JAKMIP3: variants seen among roughly 807,000 people sequenced by gnomAD.
JAKMIP3 encodes the protein janus kinase and microtubule-interacting protein 3.
In JAKMIP3, 58 loss-of-function variants were observed where a neutral mutation model predicts 118.5. That is an observed-to-expected ratio of 0.49 (90% CI 0.40 to 0.61). The LOEUF is 0.61. Among genes scored for constraint, JAKMIP3 ranks in the 20% least tolerant of loss-of-function variants. The pLI, the probability that JAKMIP3 is intolerant of heterozygous loss-of-function variation, is 0.00. For missense variants in JAKMIP3, 950 were observed against 1,109.0 expected (o/e 0.86, Z 2.04); for synonymous variants, 486 against 451.2 (o/e 1.08, Z -0.98).
At chr10:132,069,021 G>A (rs936077421) in intron 1 of JAKMIP3, among the ~76,000 whole-genome samples, 1 of 152,160 alleles carries the variant, frequency 6.6e-6, no homozygotes, top group Admixed American at 6.5e-5. Flanking sequence ...CTCGGCCTGC[G>A]GCTGAGTTCG....
At position 132,163,269 on chromosome 10, in the gene JAKMIP3, G is replaced by A; in HGVS notation, c.2281G>A (p.Val761Met). Residue 761 changes from valine to methionine, a missense_variant, in exon 20 of 24, where the codon GTG (valine) becomes ATG (methionine). Coordinates refer to ENST00000684848, the MANE Select transcript of JAKMIP3 (RefSeq NM_001323087.2). ...CCTGCAGCAGGAGGCCGGGGCTAAG[G>A]TGGCTGAGCTGCTGTCAGAGGAGGA... ...DALQQEAGAK[V>M]AELLSEEERE... is the part of the protein sequence containing the mutation. 6.3e-7 allele frequency: 1 copy of A among 1,592,322 alleles called. No individual in the cohort carries two copies. The highest frequency in any genetic ancestry group is 1.3e-5 in the African/African-American group (1 of 74,750).
intron 1 of JAKMIP3, among the ~76,000 whole-genome samples, chr10:132,042,995 G>C (rs145123504): frequency 1.6e-4 from 25 of 151,884 alleles, no homozygotes; most frequent in African/African-American, 6.0e-4. Flanking sequence ...TCGGGAGATT[G>C]AGGTGGGAGG....
intron 1 of JAKMIP3, among the ~76,000 whole-genome samples, chr10:132,077,590 A>G (rs1471315846): frequency 6.6e-6 from 1 of 152,052 alleles, no homozygotes; most frequent in Non-Finnish European, 1.5e-5. Flanking sequence ...AGGTGGCTTT[A>G]TTTGTTTCCA....
At chr10:132,132,843 T>C (rs1248217719) in intron 3 of JAKMIP3, among the ~76,000 whole-genome samples, 1 of 151,578 alleles carries the variant, frequency 6.6e-6, no homozygotes, top group Non-Finnish European at 1.5e-5. Flanking sequence ...AGAATTTCTG[T>C]TCCCCATGGT....
chr10:132,180,843 A>G (rs1346891938), intron 23 of JAKMIP3, among the ~76,000 whole-genome samples: 2 of 148,952 alleles, frequency 1.3e-5, no homozygotes, highest in South Asian at 4.3e-4. Flanking sequence ...TATCGTGTGC[A>G]TGTGTGTGCT....
At position 132,098,329 on chromosome 10, in the gene JAKMIP3, C is replaced by G. The variant is rs1434755417; in HGVS notation, c.-137-6343C>G. ...CTCAGCCACTGTGCCCAGCCAAGAT[C>G]GCCTTTCAGTACAAAGTGAAATGTG... is the stretch of plus-strand genomic sequence containing the variant. On this transcript the variant is annotated intron_variant, in intron 1 of 23. Coordinates refer to ENST00000684848, the MANE Select transcript of JAKMIP3 (RefSeq NM_001323087.2). Among the ~76,000 whole-genome samples the G allele has an allele frequency of 2.6e-5, 4 of 152,242 alleles. No homozygotes were observed. The South Asian group carries it at 8.3e-4, about 32-fold the overall frequency.
intron 1 of JAKMIP3, among the ~76,000 whole-genome samples, chr10:132,078,009 A>T (rs2041101803): frequency 6.6e-6 from 1 of 152,098 alleles, no homozygotes; most frequent in African/African-American, 2.4e-5. Flanking sequence ...ACGGGGTTTC[A>T]CTATGTTGGC....
chr10:132,117,137 C>T lies in JAKMIP3; in HGVS notation c.196C>T (p.His66Tyr), dbSNP rs377405834. 32 of 1,613,590 alleles carry T rather than the reference C, an allele frequency of 2.0e-5. No individual in the cohort carries two copies. Among genetic ancestry groups the T allele is most frequent in the Non-Finnish European group, 2.6e-5 (31 of 1,179,892 alleles). ...GCGGCAGGTGCGCGAGCATGAGCAG[C>T]ATAAGACCGCGGTCTTGCTCACGGA... ...ELRQVREHEQHKTAVLLTELK... is the reference protein window; with the variant it reads ...ELRQVREHEQYKTAVLLTELK... Residue 66 changes from histidine (H) to tyrosine (Y), a missense_variant, in exon 3 of 24, where the codon CAT becomes TAT. By Grantham distance (83) the His-to-Tyr change is moderately conservative. Coordinates refer to ENST00000684848, the MANE Select transcript of JAKMIP3 (RefSeq NM_001323087.2). This position sits in a 1 kb window ranked among gnomAD's most constrained non-coding sequence, Gnocchi z 8.6.
chr10:132,176,576 T>C (rs529426529), intron 23 of JAKMIP3, among the ~76,000 whole-genome samples: 9 of 152,258 alleles, frequency 5.9e-5, no homozygotes, highest in African/African-American at 1.7e-4. Context: ...AGCAGACACG[T>C]TTCCACAACG....
At chr10:132,107,762 C>T (rs541301843) in intron 2 of JAKMIP3, among the ~76,000 whole-genome samples, 9 of 152,340 alleles carry the variant, frequency 5.9e-5, no homozygotes, top group South Asian at 2.1e-4. Flanking sequence ...CATGCCCCAC[C>T]GTGGTGGGCC....
At chr10:132,099,045 C>T (rs552950275) in intron 1 of JAKMIP3, among the ~76,000 whole-genome samples, 202 of 152,254 alleles carry the variant, frequency 1.3e-3, no homozygotes, top group Non-Finnish European at 2.5e-3. Context: ...GACCGTCCCA[C>T]CCCAGGATGC....
chr10:132,141,503 C>T (rs1040555211), intron 10 of JAKMIP3, among the ~76,000 whole-genome samples: 7 of 152,160 alleles, frequency 4.6e-5, no homozygotes, highest in African/African-American at 1.7e-4. Context: ...CAAAGCCCAG[C>T]TTTCTTCCCA....
intron 19 of JAKMIP3, among the ~76,000 whole-genome samples, chr10:132,157,906 G>A (rs1331085311): frequency 6.6e-6 from 1 of 152,020 alleles, no homozygotes. Context: ...TTTTTACGAG[G>A]TTGATGGCCT....
chr10:132,037,729 G>A (rs1253773276), intron 1 of JAKMIP3, among the ~76,000 whole-genome samples: 1 of 152,224 alleles, frequency 6.6e-6, no homozygotes, highest in Non-Finnish European at 1.5e-5. Context: ...GTGTCTCCAG[G>A]AGGCTCAGCG....
chr10:132,133,540 C>G lies in JAKMIP3; in HGVS notation c.849+13C>G. The G allele has an allele frequency of 6.4e-7, 1 of 1,551,780 alleles. No homozygotes were observed. The highest frequency in any genetic ancestry group is 8.7e-7 in the Non-Finnish European group (1 of 1,148,100). On this transcript the variant is annotated intron_variant, in intron 4 of 23. Transcript: ENST00000684848. Reference sequence around the variant, plus strand: ...CTCGGGAAGCCCTGTAAGCACCTCCCAGGCCCACCGGCCCACCCCGTGTCA... The same window carrying G: ...CTCGGGAAGCCCTGTAAGCACCTCCGAGGCCCACCGGCCCACCCCGTGTCA...
intron 12 of JAKMIP3, 72 bp downstream of exon 12, chr10:132,145,262 A>G (rs1458805353): frequency 1.6e-6 from 2 of 1,254,698 alleles, no homozygotes; most frequent in East Asian, 2.5e-5. Context: ...ACCTAAAGAC[A>G]AGCTTCAGTG....
At position 132,163,405 on chromosome 10, in the gene JAKMIP3, C is replaced by T. The variant is rs2058567188; in HGVS notation, c.2417C>T (p.Ala806Val). 6.3e-7 allele frequency: 1 copy of T among 1,598,482 alleles called. No individual in the cohort carries two copies. The highest frequency in any genetic ancestry group is 8.5e-7 in the Non-Finnish European group (1 of 1,177,710). The change falls in exon 20 of 24, where the codon GCT becomes GTT. Residue 806 changes from alanine (A) to valine (V), a missense_variant. Physicochemically the swap from Ala to Val is moderately conservative, Grantham distance 64. Coordinates refer to ENST00000684848, the MANE Select transcript of JAKMIP3 (RefSeq NM_001323087.2). ...LRERMELLQL[A>V]QQRIKELEER... ...GAGCGCATGGAGCTGCTGCAGCTGGCTCAGCAGGTGTGTGGCAGGCGGGGG... is the reference window on the plus strand; with the variant it reads ...GAGCGCATGGAGCTGCTGCAGCTGGTTCAGCAGGTGTGTGGCAGGCGGGGG...
chr10:132,072,235 G>T (rs964110641), intron 1 of JAKMIP3, among the ~76,000 whole-genome samples: 12 of 152,038 alleles, frequency 7.9e-5, no homozygotes, highest in Non-Finnish European at 1.6e-4. Context: ...AAAGCATAAA[G>T]TAGATTCTCG....
chr10:132,126,457 C>T (rs974168294), intron 3 of JAKMIP3, among the ~76,000 whole-genome samples: 20 of 152,092 alleles, frequency 1.3e-4, no homozygotes, highest in African/African-American at 4.6e-4. Flanking sequence ...CACATGCTGC[C>T]GTACCTGGCT....
Sources: gnomAD v4.1 joint callset for allele counts (sites outside exome capture counted in the v4.1 genomes callset) on GRCh38, gnomAD v4.1.1 for gene constraint, Gnocchi (gnomAD v3.1) non-coding constraint, MANE v1.5 for transcripts, NCBI Gene and HGNC (gene_info 2026-07-23, HGNC 2026-07-21) for gene names.